The following PTP4A3 variants were observed in gnomAD, a reference collection of about 807,000 sequenced individuals.
The protein encoded by PTP4A3 is protein tyrosine phosphatase 4A3, also known as protein tyrosine phosphatase type IVA 3.
A neutral mutation model predicts 15.2 loss-of-function variants in PTP4A3; 9 were observed. The ratio of observed to expected loss-of-function variants is 0.59; its 90% CI spans 0.36 to 1.03. The LOEUF (loss-of-function observed/expected upper bound fraction) is 1.03. Among genes scored for constraint, PTP4A3 ranks in the 50% least tolerant of loss-of-function variants. PTP4A3 has a pLI of 0.02. For missense variants in PTP4A3, 234 were observed against 252.1 expected (o/e 0.93, Z 0.49); for synonymous variants, 95 against 102.0 (o/e 0.93, Z 0.41).
At chr8:141,420,101 G>A (rs1286920635) in intron 1 of PTP4A3, among the ~76,000 whole-genome samples, 3 of 152,230 alleles carry the variant, frequency 2.0e-5, no homozygotes, top group African/African-American at 7.2e-5. Flanking sequence ...CTGGTGGGCA[G>A]CTGGGAAGGG....
intron 2 of PTP4A3, among the ~76,000 whole-genome samples, chr8:141,423,227 A>G (rs368754965): frequency 2.0e-5 from 3 of 152,250 alleles, no homozygotes; most frequent in African/African-American, 7.2e-5. Flanking sequence ...GCACCTTGCC[A>G]TCAGGGAGCC....
At chr8:141,417,975 G>A (rs1481577497) in intron 1 of PTP4A3, among the ~76,000 whole-genome samples, 1 of 151,910 alleles carries the variant, frequency 6.6e-6, no homozygotes, top group Non-Finnish European at 1.5e-5. Flanking sequence ...CGTGGGCACC[G>A]CCAGGCCGGC....
At position 141,422,086 on chromosome 8, in the gene PTP4A3, G is replaced by T; in HGVS notation, c.-155G>T. 3.2e-6 allele frequency: 2 copies of T among 624,780 alleles called. No individual in the cohort carries two copies. Among genetic ancestry groups the T allele is most frequent in the Non-Finnish European group, 5.5e-6 (2 of 360,768 alleles). 38.7% of individuals were successfully genotyped at this position (624,780 alleles called of 1,614,324 possible). On this transcript the variant is annotated 5_prime_UTR_variant, in exon 2 of 6. Coordinates refer to ENST00000521578, the MANE Select transcript of PTP4A3 (RefSeq NM_032611.3). ...CCAAGTATTTGCACAATATTTGTGC[G>T]GGGTATGGGGGTGGGTTTTTAAATC...
chr8:141,410,655 C>G (rs539076847), intron 1 of PTP4A3, among the ~76,000 whole-genome samples: 44 of 152,314 alleles, frequency 2.9e-4, no homozygotes, highest in African/African-American at 1.0e-3. Context: ...ACCCATCCTA[C>G]AGACGAGCAC....
intron 1 of PTP4A3, among the ~76,000 whole-genome samples, chr8:141,409,893 T>C (rs2129929272): frequency 6.6e-6 from 1 of 152,348 alleles, no homozygotes; most frequent in South Asian, 2.1e-4. Context: ...CCTGGGGCAG[T>C]GCCTGCCTGC....
intron 1 of PTP4A3, among the ~76,000 whole-genome samples, chr8:141,398,956 G>GCCCTGT (rs1312182582): frequency 6.6e-6 from 1 of 152,092 alleles, no homozygotes; most frequent in Non-Finnish European, 1.5e-5. Context: ...GGGTGGCCCT[G>GCCCTGT]CCCTGTCCCT....
chr8:141,412,714 C>T (rs537110760), intron 1 of PTP4A3, among the ~76,000 whole-genome samples: 1 of 152,380 alleles, frequency 6.6e-6, no homozygotes, highest in South Asian at 2.1e-4. Context: ...ACTGCCCACC[C>T]TGCCCTCTCA....
intron 1 of PTP4A3, among the ~76,000 whole-genome samples, chr8:141,396,874 G>A (rs1832465124): frequency 6.6e-6 from 1 of 152,164 alleles, no homozygotes; most frequent in African/African-American, 2.4e-5. Flanking sequence ...GCCCGCTGGG[G>A]TTCCAGACAC....
chr8:141,405,571 C>G (rs1042881105), intron 1 of PTP4A3, among the ~76,000 whole-genome samples: 3 of 152,230 alleles, frequency 2.0e-5, no homozygotes, highest in African/African-American at 7.2e-5. Flanking sequence ...CTCTGCCTTA[C>G]TCCCACTCAC....
chr8:141,416,478 G>A (rs1025959234), intron 1 of PTP4A3, among the ~76,000 whole-genome samples: 10 of 152,172 alleles, frequency 6.6e-5, no homozygotes, highest in African/African-American at 2.4e-4. Flanking sequence ...GATTGGTGGG[G>A]CAGAGTCCCT....
intron 1 of PTP4A3, among the ~76,000 whole-genome samples, chr8:141,408,840 C>A (rs995654011): frequency 6.6e-6 from 1 of 152,202 alleles, no homozygotes; most frequent in African/African-American, 2.4e-5. Context: ...CCACCCAGGG[C>A]TCAGGGCAGG....
At chr8:141,415,184 A>C (rs1832991119) in intron 1 of PTP4A3, among the ~76,000 whole-genome samples, 2 of 152,076 alleles carry the variant, frequency 1.3e-5, no homozygotes, top group Non-Finnish European at 2.9e-5. Flanking sequence ...CTGTGTGGGC[A>C]GGTGGAAGTG....
At chr8:141,394,851 C>T (rs1406977028) in intron 1 of PTP4A3, among the ~76,000 whole-genome samples, 3 of 152,362 alleles carry the variant, frequency 2.0e-5, no homozygotes, top group East Asian at 3.9e-4. Context: ...AGGTACTGCA[C>T]TTCGCACAGT....
At chr8:141,416,911 C>G (rs1490561573) in intron 1 of PTP4A3, among the ~76,000 whole-genome samples, 1 of 151,988 alleles carries the variant, frequency 6.6e-6, no homozygotes, top group East Asian at 1.9e-4. Flanking sequence ...ATTGCAGGGA[C>G]CAGGTTGTTT....
In PTP4A3 at chr8:141,430,875, A is replaced by G. The variant is rs996703127; in HGVS notation, c.405-52A>G. ...ATTCCAGCTCCCTGGGGCAGGTGAG[A>G]TGGCCGAGCCAGGTCCTTGGATGAT... On this transcript the variant is annotated intron_variant, in intron 5 of 5. Transcript: ENST00000521578. 5.7e-6 allele frequency: 9 copies of G among 1,579,514 alleles called. No homozygotes were observed. The Middle Eastern group carries it at 6.7e-4, about 117-fold the overall frequency.
At chr8:141,426,427 G>T in intron 3 of PTP4A3, 2 of 985,314 alleles carry the variant, frequency 2.0e-6, no homozygotes, top group Non-Finnish European at 2.4e-6. Context: ...CCTGCCCTCA[G>T]AAATGTGGGC....
At chr8:141,397,171 G>A (rs1302460133) in intron 1 of PTP4A3, among the ~76,000 whole-genome samples, 1 of 152,244 alleles carries the variant, frequency 6.6e-6, no homozygotes, top group Non-Finnish European at 1.5e-5. Flanking sequence ...ACGCAGGGAA[G>A]CCGGGGCTCG....
At chr8:141,408,248 T>C (rs1411531571) in intron 1 of PTP4A3, among the ~76,000 whole-genome samples, 1 of 152,234 alleles carries the variant, frequency 6.6e-6, no homozygotes, top group African/African-American at 2.4e-5. Flanking sequence ...GAGGGGGCGA[T>C]GGAAGTGTTC....
intron 1 of PTP4A3, among the ~76,000 whole-genome samples, chr8:141,416,611 G>C (rs960222336): frequency 2.6e-5 from 4 of 152,128 alleles, no homozygotes; most frequent in Non-Finnish European, 5.9e-5. Context: ...CCACGTGGGT[G>C]GGTGCCCTTG....
Sources: allele counts gnomAD v4.1 joint callset (sites outside exome capture counted in the v4.1 genomes callset), GRCh38; gene constraint gnomAD v4.1.1; transcripts MANE v1.5; gene names NCBI Gene and HGNC (gene_info 2026-07-23, HGNC 2026-07-21).